Variants in LRRFIP1 observed in about 807,000 individuals in gnomAD.
LRRFIP1 encodes the protein LRR binding FLII interacting protein 1.
Under a neutral mutation model 104.4 loss-of-function variants are expected in LRRFIP1, and 62 were observed. That is an observed-to-expected ratio of 0.59 (90% CI 0.48 to 0.73). The LOEUF (loss-of-function observed/expected upper bound fraction) is 0.73. Among genes scored for constraint, LRRFIP1 ranks in the 30% least tolerant of loss-of-function variants. The pLI is 0.00. For synonymous variants in LRRFIP1, 300 were observed against 299.0 expected (o/e 1.00, Z -0.03); for missense variants, 796 against 824.5 (o/e 0.97, Z 0.42).
intron 8 of LRRFIP1, among the ~76,000 whole-genome samples, chr2:237,731,570 A>G (rs1273204131): frequency 6.6e-6 from 1 of 152,178 alleles, no homozygotes; most frequent in African/African-American, 2.4e-5. Context: ...TAACACCTTG[A>G]AAAAGGCTTT....
chr2:237,741,478 G>T (rs891286818), intron 11 of LRRFIP1, among the ~76,000 whole-genome samples: 1 of 152,198 alleles, frequency 6.6e-6, no homozygotes, highest in Non-Finnish European at 1.5e-5. Context: ...AACATTTTCC[G>T]TAATAAATTT....
rs1016328641 is a variant in LRRFIP1, at chr2:237,763,620, C to A, written c.1459+3415C>A. On this transcript the variant is annotated intron_variant, in intron 19 of 23. Coordinates refer to ENST00000308482, the MANE Select transcript of LRRFIP1 (RefSeq NM_001137550.2). ...GAAAATCCAAAACAGAAAATTGCAG[C>A]AGAAAGCAGTGAAAATGTTGATTGT... 1.9e-6 allele frequency: 3 copies of A among 1,613,700 alleles called. No homozygotes were observed. In the African/African-American group the frequency reaches 4.0e-5, roughly 22 times the overall value.
At chr2:237,750,577 TCCA>T (rs965504340) in intron 13 of LRRFIP1, among the ~76,000 whole-genome samples, 1 of 152,134 alleles carries the variant, frequency 6.6e-6, no homozygotes, top group Non-Finnish European at 1.5e-5. Context: ...CCTCAGGTGA[TCCA>T]CCCACTCGGC....
chr2:237,671,597 G>A (rs1052656446), intron 1 of LRRFIP1, among the ~76,000 whole-genome samples: 4 of 152,058 alleles, frequency 2.6e-5, no homozygotes, highest in Admixed American at 6.6e-5. Flanking sequence ...GTAAGGGGAC[G>A]GAAGCCGGGG....
chr2:237,645,589 G>A (rs1052349334), intron 1 of LRRFIP1, among the ~76,000 whole-genome samples: 1 of 151,836 alleles, frequency 6.6e-6, no homozygotes, highest in Admixed American at 6.6e-5. Context: ...AACAAGATAT[G>A]CTTGGGAGAT....
At chr2:237,730,810 C>A (rs1414833886) in intron 8 of LRRFIP1, among the ~76,000 whole-genome samples, 2 of 152,126 alleles carry the variant, frequency 1.3e-5, no homozygotes, top group Non-Finnish European at 2.9e-5. Context: ...CCCAGCTACT[C>A]GGGGGGCTGA....
At chr2:237,742,008 C>T (rs1576114676) in intron 11 of LRRFIP1, among the ~76,000 whole-genome samples, 1 of 152,112 alleles carries the variant, frequency 6.6e-6, no homozygotes, top group East Asian at 1.9e-4. Context: ...TTTATTCAAG[C>T]ATATGATGAA....
intron 1 of LRRFIP1, among the ~76,000 whole-genome samples, chr2:237,637,387 G>T (rs1244234450): frequency 6.6e-6 from 1 of 152,144 alleles, no homozygotes; most frequent in Non-Finnish European, 1.5e-5. Flanking sequence ...AGAATTGCTT[G>T]AACCCAGGAG....
chr2:237,765,801 G>C (rs1285915341), intron 19 of LRRFIP1: 1 of 964,360 alleles, frequency 1.0e-6, no homozygotes, highest in East Asian at 1.1e-4. Flanking sequence ...AAATTATGTG[G>C]ATTCATATTA....
At chr2:237,665,753 C>T (rs760043590) in intron 1 of LRRFIP1, among the ~76,000 whole-genome samples, 2 of 152,188 alleles carry the variant, frequency 1.3e-5, no homozygotes, top group Non-Finnish European at 2.9e-5. Flanking sequence ...TCTGGGTAGA[C>T]AGTGCCACCT....
intron 1 of LRRFIP1, among the ~76,000 whole-genome samples, chr2:237,697,283 A>G (rs2093253190): frequency 6.6e-6 from 1 of 152,194 alleles, no homozygotes; most frequent in South Asian, 2.1e-4. Context: ...TCGGCCTCCC[A>G]AAGTGCTGGG....
chr2:237,754,311 A>G lies in LRRFIP1; in HGVS notation c.1038+832A>G, dbSNP rs78338145. Among the ~76,000 whole-genome samples the G allele has an allele frequency of 8.7e-3, 1,324 of 152,330 alleles. 12 individuals carry two copies. Among genetic ancestry groups the G allele is most frequent in the African/African-American group, 0.03 (1,242 of 41,568 alleles). On this transcript the variant is annotated intron_variant, in intron 15 of 23. Transcript: ENST00000308482. ...TAAATATATCACCAAGCTCAGAGAGAGAGATAGTCTTATCTGAGCTTTCAT... is the reference window on the plus strand; with the variant it reads ...TAAATATATCACCAAGCTCAGAGAGGGAGATAGTCTTATCTGAGCTTTCAT...
intron 14 of LRRFIP1, 70 bp downstream of exon 14, chr2:237,751,341 A>G: frequency 8.0e-7 from 1 of 1,256,956 alleles, no homozygotes; most frequent in Non-Finnish European, 1.1e-6. Context: ...ACAACATCCT[A>G]AAGAAGAAAT....
intron 23 of LRRFIP1, among the ~76,000 whole-genome samples, chr2:237,777,188 CATAA>C (rs2061165699): frequency 6.6e-6 from 1 of 152,160 alleles, no homozygotes; most frequent in African/African-American, 2.4e-5. Context: ...TACATCCACA[CATAA>C]ATACTTTTGA....
intron 1 of LRRFIP1, among the ~76,000 whole-genome samples, chr2:237,658,649 A>G (rs2087260990): frequency 6.6e-6 from 1 of 152,202 alleles, no homozygotes; most frequent in African/African-American, 2.4e-5. Context: ...ATGAAGGGGA[A>G]CCAAGGCACC....
rs368213928 is a variant in LRRFIP1 at position 237,775,713 on chromosome 2, C to G, written c.1812+1251C>G. On this transcript the variant is annotated intron_variant, in intron 23 of 23. Transcript: ENST00000308482. ...ATTAGCCGGGTGCGGTGGCCCGTGC[C>G]TGTAGTCTCAGCTACTTGGGAGGCT... Among the ~76,000 whole-genome samples the G allele has an allele frequency of 5.1e-4, 78 of 152,182 alleles. No individual in the cohort carries two copies. The South Asian group carries it at 0.016, about 31-fold the overall frequency.
At chr2:237,728,249 A>G (rs1022553662) in intron 8 of LRRFIP1, among the ~76,000 whole-genome samples, 2 of 152,240 alleles carry the variant, frequency 1.3e-5, no homozygotes, top group Non-Finnish European at 2.9e-5. Flanking sequence ...GGGTGTATGT[A>G]TATAATGTGT....
intron 11 of LRRFIP1, among the ~76,000 whole-genome samples, chr2:237,741,580 C>T (rs1358099636): frequency 6.6e-6 from 1 of 152,172 alleles, no homozygotes; most frequent in Non-Finnish European, 1.5e-5. Flanking sequence ...GTAATCCCAG[C>T]ACTTTGGGAG....
At chr2:237,742,966 T>C (rs2057315925) in intron 11 of LRRFIP1, among the ~76,000 whole-genome samples, 1 of 151,996 alleles carries the variant, frequency 6.6e-6, no homozygotes, top group Non-Finnish European at 1.5e-5. Context: ...ATAAACTTCT[T>C]GTGCTTCCCC....
Sources: allele counts gnomAD v4.1 joint callset (sites outside exome capture counted in the v4.1 genomes callset), GRCh38; gene constraint gnomAD v4.1.1; transcripts MANE v1.5; gene names NCBI Gene and HGNC (gene_info 2026-07-23, HGNC 2026-07-21).